CEP290: variants seen among roughly 807,000 people sequenced by gnomAD.
CEP290 encodes the protein centrosomal protein of 290 kDa.
A neutral mutation model predicts 344.9 loss-of-function variants in CEP290; 317 were observed. That is an observed-to-expected ratio of 0.92 (90% CI 0.84 to 1.01). The LOEUF (loss-of-function observed/expected upper bound fraction) is 1.01, where lower values mean the gene tolerates loss of function less well. Among genes scored for constraint, CEP290 ranks in the 50% least tolerant of loss-of-function variants. The pLI is 0.00. For synonymous variants in CEP290, 932 were observed against 895.8 expected (o/e 1.04, Z -0.72); for missense variants, 2,754 against 2,761.4 (o/e 1.00, Z 0.06).
chr12:88,095,692 G>A (rs959818118), intron 27 of CEP290, among the ~76,000 whole-genome samples: 1 of 152,072 alleles, frequency 6.6e-6, no homozygotes, highest in Non-Finnish European at 1.5e-5. Flanking sequence ...CAATTTAAGA[G>A]AACAGCTCTA....
At chr12:88,137,077 AG>A (rs1353738488) in intron 5 of CEP290, among the ~76,000 whole-genome samples, 1 of 152,102 alleles carries the variant, frequency 6.6e-6, no homozygotes, top group Non-Finnish European at 1.5e-5. Flanking sequence ...TAAACTGCAA[AG>A]GTTCCTGAGC....
intron 43 of CEP290, among the ~76,000 whole-genome samples, chr12:88,069,487 A>AT (rs1278673000): frequency 1.3e-5 from 2 of 152,222 alleles, no homozygotes; most frequent in Non-Finnish European, 2.9e-5. Flanking sequence ...TGTTTTGAAC[A>AT]TATGTTTAGA....
intron 39 of CEP290, among the ~76,000 whole-genome samples, chr12:88,078,264 C>T (rs1398853977): frequency 6.6e-6 from 1 of 151,946 alleles, no homozygotes; most frequent in African/African-American, 2.4e-5. Flanking sequence ...GTTTTAAACA[C>T]TATGAAGCAT....
chr12:88,062,586 G>T, intron 46 of CEP290, 106 bp downstream of exon 46: 1 of 679,956 alleles, frequency 1.5e-6, no homozygotes, highest in South Asian at 1.8e-5. Context: ...TGAAACTACA[G>T]GGCACTTGTA....
chr12:88,098,258 T>C (rs1178749703), intron 26 of CEP290, among the ~76,000 whole-genome samples: 2 of 149,126 alleles, frequency 1.3e-5, no homozygotes, highest in Non-Finnish European at 3.0e-5. Context: ...TGAGCTGAGA[T>C]CACACCACTG....
Position 88,060,011 on chromosome 12 carries a change from C to A in CEP290, c.6532G>T (p.Glu2178Ter). The A allele has an allele frequency of 6.5e-7, 1 of 1,546,378 alleles. No homozygotes were observed. Among genetic ancestry groups the A allele is most frequent in the Admixed American group, 2.2e-5 (1 of 46,194 alleles). ...QENEKLKAEL[E>*]KLKAHLGHQL... ...TGCCCAAGATGAGCTTTAAGTTTTTCTAATTCAGCCTAGTAAAAAAACAAA... is the reference window on the plus strand; with the variant it reads ...TGCCCAAGATGAGCTTTAAGTTTTTATAATTCAGCCTAGTAAAAAAACAAA... Residue 2178 changes from glutamate to a stop codon, truncating the protein, a stop_gained, in exon 48 of 54, where the codon GAA becomes TAA. Coordinates refer to ENST00000552810, the MANE Select transcript of CEP290 (RefSeq NM_025114.4). LOFTEE classifies it high-confidence loss of function.
At position 88,058,958 on chromosome 12, in the gene CEP290, C is replaced by G. The variant is rs2034239313; in HGVS notation, c.6708G>C (p.Lys2236Asn). 2 of 1,613,506 alleles carry G rather than the reference C, an allele frequency of 1.2e-6. No homozygotes were observed. The highest frequency in any genetic ancestry group is 1.7e-6 in the Non-Finnish European group (2 of 1,179,698). ...AKNNLEILNEKMTVQLEETGK... is the reference protein window; with the variant it reads ...AKNNLEILNENMTVQLEETGK... ...CAGTCTCTTCTAGTTGAACTGTCAT[C>G]TTCTCATTTAATATCTCTAAATTAT... The change falls in exon 49 of 54, where the codon AAG (lysine) becomes AAC (asparagine). Residue 2236 changes from lysine to asparagine, a missense_variant. Transcript: ENST00000552810.
intron 52 of CEP290, among the ~76,000 whole-genome samples, chr12:88,052,147 C>A (rs980487718): frequency 6.6e-6 from 1 of 152,052 alleles, no homozygotes; most frequent in Non-Finnish European, 1.5e-5. Flanking sequence ...GCTTTTATTA[C>A]AAATTAGTAA....
In CEP290 at chr12:88,111,751, C is replaced by G; in HGVS notation, c.2160G>C (p.Arg720Ser). Residue 720 changes from arginine (R) to serine (S), a missense_variant, in exon 21 of 54, where the codon AGG (arginine) becomes AGC (serine). Arg to Ser is a moderately radical substitution (Grantham distance 110, BLOSUM62 -1). Transcript: ENST00000552810. ...AATTTATAGCCTCTTTCCGAGATTC[C>G]CTGAGCTCCTGTCTTAATTCTTCAT... ...GRNEELRQEL[R>S]ESRKEAINYS... 3 of 1,604,208 alleles carry G rather than the reference C, an allele frequency of 1.9e-6. No homozygotes were observed. Among genetic ancestry groups the G allele is most frequent in the Non-Finnish European group, 2.6e-6 (3 of 1,176,254 alleles).
chr12:88,083,365 G>T, intron 36 of CEP290, 135 bp from the exon 37 acceptor site: 1 of 529,534 alleles, frequency 1.9e-6, no homozygotes, highest in Non-Finnish European at 3.1e-6. Flanking sequence ...AGGCAATGAA[G>T]GCTTAAAGAA....
intron 25 of CEP290, among the ~76,000 whole-genome samples, chr12:88,104,468 C>A (rs868651952): frequency 4.0e-5 from 6 of 151,782 alleles, no homozygotes; most frequent in African/African-American, 1.5e-4. Flanking sequence ...AAGTTACCTA[C>A]AGAGGGTGGA....
intron 2 of CEP290, 43 bp downstream of exon 2, chr12:88,141,163 A>T (rs540750004): frequency 7.6e-7 from 1 of 1,320,914 alleles, no homozygotes; most frequent in South Asian, 1.6e-5. Context: ...TAAATTAATC[A>T]TAAGTTAATG....
At chr12:88,090,344 A>G (rs1163166701) in intron 30 of CEP290, among the ~76,000 whole-genome samples, 1 of 152,172 alleles carries the variant, frequency 6.6e-6, no homozygotes, top group Non-Finnish European at 1.5e-5. Context: ...TTAAAAATGT[A>G]ACAATGGCCC....
intron 43 of CEP290, among the ~76,000 whole-genome samples, chr12:88,070,301 T>C (rs1175952153): frequency 6.6e-6 from 1 of 152,198 alleles, no homozygotes; most frequent in Non-Finnish European, 1.5e-5. Context: ...AAACAGGTGA[T>C]GAATTTACCT....
intron 6 of CEP290, among the ~76,000 whole-genome samples, chr12:88,134,734 A>C (rs971023442): frequency 6.6e-6 from 1 of 152,210 alleles, no homozygotes; most frequent in Non-Finnish European, 1.5e-5. Context: ...ATAAGCAATA[A>C]TGAATTAATG....
chr12:88,108,655 C>T (rs943250304), intron 23 of CEP290, among the ~76,000 whole-genome samples: 5 of 152,164 alleles, frequency 3.3e-5, no homozygotes, highest in African/African-American at 9.7e-5. Context: ...ATGATGCTAA[C>T]AACAGCTAAC....
chr12:88,141,098 C>T (rs1227269740), intron 2 of CEP290, 65 bp from the exon 3 acceptor site: 12 of 1,354,160 alleles, frequency 8.9e-6, no homozygotes, highest in Non-Finnish European at 9.9e-6. Context: ...AAGAACACTT[C>T]CAGATTGTGA....
Position 88,064,224 on chromosome 12 carries a change from G to A in CEP290, c.6136-109C>T, listed in dbSNP as rs76564263. Reference sequence around the variant, plus strand: ...AAAAGGTAACTTTTTTTCCTCAAAGGAATATGAGAAAATCGGAGTGTTCTG... The same window carrying A: ...AAAAGGTAACTTTTTTTCCTCAAAGAAATATGAGAAAATCGGAGTGTTCTG... On this transcript the variant is annotated intron_variant, in intron 44 of 53. Coordinates refer to ENST00000552810, the MANE Select transcript of CEP290 (RefSeq NM_025114.4). The A allele has an allele frequency of 1.6e-3, 1,407 of 905,488 alleles. 20 individuals carry two copies. In the African/African-American group the frequency reaches 0.022, roughly 14 times the overall value. The allele number at this position is 905,488 out of a possible 1,614,324, so 56.1% of individuals were successfully genotyped here.
intron 18 of CEP290, chr12:88,115,637 T>C (rs1202731688): frequency 9.0e-7 from 1 of 1,110,884 alleles, no homozygotes; most frequent in East Asian, 5.8e-5. Context: ...TTTTAGATTT[T>C]AAAAAGTACA....
Sources: allele counts gnomAD v4.1 joint callset (sites outside exome capture counted in the v4.1 genomes callset), GRCh38; gene constraint gnomAD v4.1.1; transcripts MANE v1.5; gene names NCBI Gene and HGNC (gene_info 2026-07-23, HGNC 2026-07-21).